The following MBP variants were observed in gnomAD, a reference collection of about 807,000 sequenced individuals.
The protein encoded by MBP is myelin basic protein.
A neutral mutation model predicts 35.8 loss-of-function variants in MBP; 16 were observed. The observed-to-expected ratio is 0.45, with a 90% confidence interval of 0.30 to 0.68. MBP has a LOEUF of 0.68. Among genes scored for constraint, MBP ranks in the 30% least tolerant of loss-of-function variants. The pLI is 0.08. For missense variants in MBP, 380 were observed against 404.7 expected (o/e 0.94, Z 0.52); for synonymous variants, 143 against 159.6 (o/e 0.90, Z 0.78).
intron 4 of MBP, among the ~76,000 whole-genome samples, chr18:77,010,540 T>C (rs1460420156): frequency 1.3e-5 from 2 of 152,208 alleles, no homozygotes; most frequent in East Asian, 1.9e-4. Context: ...CATGAGGAAA[T>C]AATTTTTAGG....
At chr18:77,087,174 G>A (rs891825608) in intron 2 of MBP, among the ~76,000 whole-genome samples, 2 of 152,092 alleles carry the variant, frequency 1.3e-5, no homozygotes, top group African/African-American at 4.8e-5. Flanking sequence ...AGGGACTCCT[G>A]ACCCATCCAG....
At chr18:77,053,931 G>A (rs563577614) in intron 3 of MBP, among the ~76,000 whole-genome samples, 26 of 152,336 alleles carry the variant, frequency 1.7e-4, no homozygotes, top group African/African-American at 6.0e-4. Flanking sequence ...CATAATCAGG[G>A]ACTGTGACAG....
At chr18:77,021,094 C>T (rs1004191286) in intron 3 of MBP, among the ~76,000 whole-genome samples, 3 of 152,174 alleles carry the variant, frequency 2.0e-5, no homozygotes, top group Non-Finnish European at 4.4e-5. Context: ...CTCCACCCTC[C>T]GCTCCGTACA....
chr18:77,122,968 A>T (rs1976935098), intron 1 of MBP, among the ~76,000 whole-genome samples: 1 of 152,230 alleles, frequency 6.6e-6, no homozygotes, highest in Non-Finnish European at 1.5e-5. Context: ...ATGGCAGGGT[A>T]TTGAGCAAAT....
At chr18:77,118,656 ACACACACTACATAC>A (rs1976782714) in intron 1 of MBP, among the ~76,000 whole-genome samples, 2 of 135,482 alleles carry the variant, frequency 1.5e-5, no homozygotes, top group African/African-American at 6.6e-5. Flanking sequence ...CCACACACAC[ACACACACTACATAC>A]CACACACACA....
At chr18:77,122,759 T>C (rs1422151824) in intron 1 of MBP, among the ~76,000 whole-genome samples, 1 of 152,152 alleles carries the variant, frequency 6.6e-6, no homozygotes, top group African/African-American at 2.4e-5. Flanking sequence ...GTCAGGCTGG[T>C]GTTGAACTCC....
chr18:77,033,641 G>A lies in MBP; in HGVS notation c.140-16373C>T, dbSNP rs557540254. On this transcript the variant is annotated intron_variant, in intron 3 of 8. Coordinates refer to ENST00000355994, the MANE Select transcript of MBP (RefSeq NM_001025101.2). Reference sequence around the variant, plus strand: ...CATCTACTAGTCCACTCATCTATTCGTCCACCCATCTACCCATGTATCTAC... The same window carrying A: ...CATCTACTAGTCCACTCATCTATTCATCCACCCATCTACCCATGTATCTAC... Among the ~76,000 whole-genome samples the A allele has an allele frequency of 1.3e-4, 20 of 148,764 alleles. No homozygotes were observed. In the East Asian group the frequency reaches 2.2e-3, roughly 16 times the overall value.
intron 2 of MBP, among the ~76,000 whole-genome samples, chr18:77,100,996 A>G (rs1320008731): frequency 6.6e-6 from 1 of 152,364 alleles, no homozygotes; most frequent in East Asian, 1.9e-4. Context: ...AGCCTGGCAC[A>G]TGGGCACGTT....
At chr18:76,992,949 C>T (rs373213806) in intron 4 of MBP, among the ~76,000 whole-genome samples, 23 of 152,222 alleles carry the variant, frequency 1.5e-4, no homozygotes, top group Non-Finnish European at 2.4e-4. Flanking sequence ...TTTCTGTCCA[C>T]AAGGCCCTTC....
chr18:77,119,372 G>A lies in MBP; in HGVS notation c.-26+13208C>T, dbSNP rs550790093. On this transcript the variant is annotated intron_variant, in intron 1 of 8. Transcript: ENST00000355994. The stretch of plus-strand genomic sequence containing the variant: ...AGCCGGGTCTCTGTCTTGTCACCAT[G>A]GTGTCCCCAGGACCTAGCACAGTCC... Among the ~76,000 whole-genome samples, 4 of 152,212 alleles carry A rather than the reference G, an allele frequency of 2.6e-5. No individual in the cohort carries two copies. The South Asian group carries it at 8.3e-4, about 32-fold the overall frequency.
intron 1 of MBP, among the ~76,000 whole-genome samples, chr18:77,128,437 A>C (rs1977127539): frequency 6.6e-6 from 1 of 152,146 alleles, no homozygotes; most frequent in African/African-American, 2.4e-5. Context: ...TCCTGTGATG[A>C]AACTCTCCTG....
At chr18:77,104,141 C>T (rs752799399) in intron 2 of MBP, among the ~76,000 whole-genome samples, 6 of 152,262 alleles carry the variant, frequency 3.9e-5, no homozygotes, top group Admixed American at 6.5e-5. Context: ...CTTTAGTCTG[C>T]GCTAAGGACT....
At chr18:77,055,585 T>TTCTCTCTCTCTCTC (rs138095026) in intron 3 of MBP, among the ~76,000 whole-genome samples, 4 of 151,072 alleles carry the variant, frequency 2.6e-5, no homozygotes, top group Non-Finnish European at 5.9e-5. Context: ...TTCTCTTTCT[T>TTCTCTCTCTCTCTC]TCTCTCTCTC....
At chr18:77,105,054 A>ATT (rs9319656) in intron 2 of MBP, among the ~76,000 whole-genome samples, 157 bp downstream of exon 2, 56,244 of 151,122 alleles carry the variant, frequency 0.37, 11,112 homozygotes, top group East Asian at 0.54. Flanking sequence ...AATCATAATT[A>ATT]ATTATTAATA....
chr18:77,104,736 T>TA (rs35090226), intron 2 of MBP, among the ~76,000 whole-genome samples: 22,708 of 152,090 alleles, frequency 0.15, 2,018 homozygotes, highest in East Asian at 0.43. Flanking sequence ...ATAAAAATGT[T>TA]AAAAAAAATC....
rs1388383238 is a variant in MBP, at chr18:77,090,032, C to G, written c.51+15179G>C. 6.6e-5 allele frequency among the ~76,000 whole-genome samples: 10 copies of G among 152,206 alleles called. 1 individual carries two copies. Among genetic ancestry groups the G allele is most frequent in the African/African-American group, 2.4e-4 (10 of 41,456 alleles). ...GGATTTGCTGAACTGTGACCTGCAG[C>G]TTTGCAGGTGCAGGTGAAGGCAGCG... On this transcript the variant is annotated intron_variant, in intron 2 of 8. Transcript: ENST00000355994.
At chr18:77,055,014 T>C (rs1973665247) in intron 3 of MBP, among the ~76,000 whole-genome samples, 1 of 152,160 alleles carries the variant, frequency 6.6e-6, no homozygotes, top group Non-Finnish European at 1.5e-5. Context: ...TTCAGTATCA[T>C]AAAGGTATGC....
intron 3 of MBP, among the ~76,000 whole-genome samples, chr18:77,034,818 TG>T (rs1972688518): frequency 6.6e-6 from 1 of 152,188 alleles, no homozygotes; most frequent in Admixed American, 6.5e-5. Context: ...TCAGCTTCGG[TG>T]GGCGACGTCC....
At chr18:77,012,985 A>G in intron 4 of MBP, 6 of 985,434 alleles carry the variant, frequency 6.1e-6, no homozygotes, top group Non-Finnish European at 7.2e-6. Context: ...CATCCAGTCT[A>G]ATTAACTATC....
Sources: gnomAD v4.1 joint callset for allele counts (sites outside exome capture counted in the v4.1 genomes callset) on GRCh38, gnomAD v4.1.1 for gene constraint, MANE v1.5 for transcripts, NCBI Gene and HGNC (gene_info 2026-07-23, HGNC 2026-07-21) for gene names.